Variants in PHACTR1 observed in about 807,000 individuals in gnomAD.
PHACTR1 encodes the protein RPEL repeat containing 1.
A neutral mutation model predicts 69.2 loss-of-function variants in PHACTR1; 16 were observed. The observed-to-expected ratio is 0.23, with a 90% CI of 0.16 to 0.35. PHACTR1 has a LOEUF of 0.35. PHACTR1 is among the 10% of genes least tolerant of loss of function. The pLI, the probability that PHACTR1 is intolerant of heterozygous loss-of-function variation, is 1.00. For missense variants in PHACTR1, 510 were observed against 734.7 expected, an observed-to-expected ratio of 0.69 and a Z score of 3.54; for synonymous variants, 312 against 284.5, an observed-to-expected ratio of 1.10 and a Z score of -0.97.
rs752233306 is a variant in PHACTR1 at position 12,758,037 on chromosome 6, G to A, written c.250+8247G>A. Among the ~76,000 whole-genome samples the A allele has an allele frequency of 2.3e-3, 351 of 151,618 alleles. 1 individual carries two copies. The highest frequency in any genetic ancestry group is 4.1e-3 in the Non-Finnish European group (281 of 67,866). On this transcript the variant is annotated intron_variant, in intron 4 of 14. Coordinates refer to ENST00000332995, the MANE Select transcript of PHACTR1 (RefSeq NM_030948.6). Reference sequence around the variant, plus strand: ...TGAGGCAGGATAATTGCTTGAACCCGAGAGGCGGAGGTTACAGTGAGCCGA... The same window carrying A: ...TGAGGCAGGATAATTGCTTGAACCCAAGAGGCGGAGGTTACAGTGAGCCGA...
chr6:13,053,277 AC>A, intron 4 of PHACTR1, 87 bp from the exon 5 acceptor site: 1 of 1,315,066 alleles, frequency 7.6e-7, no homozygotes. Context: ...GTTATCTGTA[AC>A]CATGGAAAAC....
At chr6:13,073,243 C>T (rs1317876820) in intron 5 of PHACTR1, among the ~76,000 whole-genome samples, 1 of 122,006 alleles carries the variant, frequency 8.2e-6, no homozygotes, top group African/African-American at 5.0e-5. Context: ...AAAGAAAATA[C>T]TTGAGGAAAA....
chr6:12,974,704 T>G (rs115427418), intron 4 of PHACTR1, among the ~76,000 whole-genome samples: 4 of 152,316 alleles, frequency 2.6e-5, no homozygotes, highest in Non-Finnish European at 5.9e-5. Flanking sequence ...ACAGGAAGTA[T>G]GTGCTGGGTC....
intron 5 of PHACTR1, among the ~76,000 whole-genome samples, chr6:13,060,543 G>C (rs1280204913): frequency 6.6e-6 from 1 of 152,154 alleles, no homozygotes; most frequent in African/African-American, 2.4e-5. Flanking sequence ...TGAGAAGTGA[G>C]GAGTAGGTGG....
chr6:13,064,493 G>A (rs1260849302), intron 5 of PHACTR1, among the ~76,000 whole-genome samples: 1 of 138,588 alleles, frequency 7.2e-6, no homozygotes, highest in African/African-American at 2.7e-5. Context: ...TAAGCAAATG[G>A]TATAATAAGC....
chr6:12,946,783 T>C (rs1050853986), intron 4 of PHACTR1, among the ~76,000 whole-genome samples: 2 of 149,070 alleles, frequency 1.3e-5, no homozygotes, highest in African/African-American at 4.9e-5. Flanking sequence ...GCATTACACA[T>C]ACAGTGCAAT....
intron 4 of PHACTR1, among the ~76,000 whole-genome samples, chr6:13,015,955 A>G (rs770836372): frequency 3.9e-5 from 6 of 152,150 alleles, no homozygotes; most frequent in Non-Finnish European, 7.3e-5. Context: ...AATCCTGCCA[A>G]TCTATTGTGT....
At chr6:13,034,884 C>T (rs1180558565) in intron 4 of PHACTR1, among the ~76,000 whole-genome samples, 1 of 152,164 alleles carries the variant, frequency 6.6e-6, no homozygotes, top group Non-Finnish European at 1.5e-5. Flanking sequence ...AGATAAATTA[C>T]TTTCAATGTT....
chr6:13,283,286 CT>C lies in PHACTR1; in HGVS notation c.1510-135del, dbSNP rs1406339661. The C allele has an allele frequency of 2.8e-6, 3 of 1,065,240 alleles. No homozygotes were observed. Among genetic ancestry groups the C allele is most frequent in the African/African-American group, 1.6e-5 (1 of 62,462 alleles). The allele number at this position is 1,065,240 out of a possible 1,614,324, so 66.0% of individuals were successfully genotyped here. A position where few individuals can be genotyped will look rare whatever the true frequency, so the allele number is the denominator to read the frequency against. Reference sequence around the variant, plus strand: ...CCCCACCCTGGCCCTCCCCCTGCCCCTGCCCCTCACTCACTATGCGATGCAT... The same window carrying C: ...CCCCACCCTGGCCCTCCCCCTGCCCCGCCCCTCACTCACTATGCGATGCAT... On this transcript the variant is annotated intron_variant, in intron 12 of 14. Coordinates refer to ENST00000332995, the MANE Select transcript of PHACTR1 (RefSeq NM_030948.6). The surrounding 1 kb of genome is among the most constrained non-coding windows in gnomAD (Gnocchi z 4.7).
intron 4 of PHACTR1, among the ~76,000 whole-genome samples, chr6:13,025,709 G>GTGTGTC (rs1001399090): frequency 6.6e-6 from 1 of 151,098 alleles, no homozygotes; most frequent in African/African-American, 2.4e-5. Flanking sequence ...GTGTGTGTGT[G>GTGTGTC]TCTGTGTGTA....
intron 4 of PHACTR1, among the ~76,000 whole-genome samples, chr6:12,941,664 A>G (rs543826178): frequency 2.6e-5 from 4 of 152,212 alleles, no homozygotes; most frequent in East Asian, 3.9e-4. Context: ...GGGAAGCTGC[A>G]GAGTTGTGAA....
intron 4 of PHACTR1, among the ~76,000 whole-genome samples, chr6:12,850,371 A>G (rs1289655986): frequency 6.6e-6 from 1 of 151,984 alleles, no homozygotes; most frequent in African/African-American, 2.4e-5. Flanking sequence ...GTCCTCCTTC[A>G]CTCTTGCTCC....
intron 5 of PHACTR1, among the ~76,000 whole-genome samples, chr6:13,111,006 G>A (rs140866845): frequency 6.6e-6 from 1 of 152,000 alleles, no homozygotes; most frequent in African/African-American, 2.4e-5. Context: ...GTTAATGACT[G>A]GAGAATAGTC....
chr6:12,790,338 C>T (rs1437330030), intron 4 of PHACTR1, among the ~76,000 whole-genome samples: 2 of 152,140 alleles, frequency 1.3e-5, no homozygotes, highest in African/African-American at 2.4e-5. Context: ...TTCTCCAGCA[C>T]GTCAGGGACA....
intron 8 of PHACTR1, among the ~76,000 whole-genome samples, chr6:13,209,205 A>G (rs1034828375): frequency 2.0e-5 from 3 of 152,238 alleles, no homozygotes; most frequent in African/African-American, 7.2e-5. Context: ...CCAAGGTCAC[A>G]GGCCACACTT....
chr6:12,780,602 T>C (rs1339803074), intron 4 of PHACTR1, among the ~76,000 whole-genome samples: 1 of 152,208 alleles, frequency 6.6e-6, no homozygotes, highest in Non-Finnish European at 1.5e-5. Context: ...ACATCGCTAA[T>C]ACCTCTCTCA....
At chr6:12,902,381 C>A (rs142096934) in intron 4 of PHACTR1, among the ~76,000 whole-genome samples, 16 of 152,320 alleles carry the variant, frequency 1.1e-4, no homozygotes, top group African/African-American at 3.6e-4. Context: ...AGAGAGCACA[C>A]AACTGCACTC....
In PHACTR1 at chr6:12,812,005, A is replaced by T. The variant is rs551080035; in HGVS notation, c.250+62215A>T. ...CTACTTTTTTTTTTTTATGAGGCAAATGCACATAACGTAAAATTAACCATT... is the reference window on the plus strand; with the variant it reads ...CTACTTTTTTTTTTTTATGAGGCAATTGCACATAACGTAAAATTAACCATT... On this transcript the variant is annotated intron_variant, in intron 4 of 14. Coordinates refer to ENST00000332995, the MANE Select transcript of PHACTR1 (RefSeq NM_030948.6). 4.6e-5 allele frequency among the ~76,000 whole-genome samples: 7 copies of T among 152,056 alleles called. No homozygotes were observed. The East Asian group carries it at 1.4e-3, about 29-fold the overall frequency.
rs1583044146 is a variant in PHACTR1, at chr6:13,031,240, G to C, written c.251-22125G>C. Among the ~76,000 whole-genome samples, 5 of 152,216 alleles carry C rather than the reference G, an allele frequency of 3.3e-5. No individual in the cohort carries two copies. The East Asian group carries it at 9.6e-4, about 29-fold the overall frequency. Reference sequence around the variant, plus strand: ...CTGCCCCACTGATCTAATGTAATTGGAACCCCATGTATTCTGATATTTTTT... The same window carrying C: ...CTGCCCCACTGATCTAATGTAATTGCAACCCCATGTATTCTGATATTTTTT... On this transcript the variant is annotated intron_variant, in intron 4 of 14. Coordinates refer to ENST00000332995, the MANE Select transcript of PHACTR1 (RefSeq NM_030948.6).
Sources: gnomAD v4.1 joint callset for allele counts (sites outside exome capture counted in the v4.1 genomes callset) on GRCh38, gnomAD v4.1.1 for gene constraint, Gnocchi (gnomAD v3.1) non-coding constraint, MANE v1.5 for transcripts, NCBI Gene and HGNC (gene_info 2026-07-23, HGNC 2026-07-21) for gene names.